Variants in GRIP1 observed in about 807,000 individuals in gnomAD.
The protein encoded by GRIP1 is glutamate receptor-interacting protein 1.
GRIP1 carries 45 observed loss-of-function variants against 129.9 expected under a neutral mutation model. The observed-to-expected ratio is 0.35, with a 90% confidence interval of 0.27 to 0.44. The LOEUF is 0.44. GRIP1 is among the 20% of genes least tolerant of loss of function. The pLI, the probability that GRIP1 is intolerant of heterozygous loss-of-function variation, is 1.00. For synonymous variants in GRIP1, 530 were observed against 520.8 expected (o/e 1.02, Z -0.24); for missense variants, 1,196 against 1,396.8 (o/e 0.86, Z 2.29).
At chr12:66,964,967 G>T (rs1363901478) in intron 1 of GRIP1, among the ~76,000 whole-genome samples, 1 of 151,896 alleles carries the variant, frequency 6.6e-6, no homozygotes, top group East Asian at 1.9e-4. Flanking sequence ...TTCTCATGAG[G>T]ATAACAGACC....
intron 1 of GRIP1, among the ~76,000 whole-genome samples, chr12:66,714,744 T>C (rs1010697123): frequency 2.0e-5 from 3 of 152,014 alleles, no homozygotes; most frequent in Non-Finnish European, 4.4e-5. Context: ...CATTATTCAT[T>C]CTGTACATTT....
At chr12:66,971,706 G>A (rs1371959439) in intron 1 of GRIP1, among the ~76,000 whole-genome samples, 1 of 152,188 alleles carries the variant, frequency 6.6e-6, no homozygotes, top group Non-Finnish European at 1.5e-5. Flanking sequence ...TCATCACAGA[G>A]AGTATAAATG....
At chr12:66,724,605 A>G (rs1321488304) in intron 1 of GRIP1, among the ~76,000 whole-genome samples, 1 of 152,196 alleles carries the variant, frequency 6.6e-6, no homozygotes, top group African/African-American at 2.4e-5. Flanking sequence ...TGCTAACAAT[A>G]GTTCATCTTA....
intron 1 of GRIP1, among the ~76,000 whole-genome samples, chr12:66,889,899 G>C (rs562552255): frequency 6.6e-6 from 1 of 152,048 alleles, no homozygotes; most frequent in East Asian, 1.9e-4. Flanking sequence ...TCATAGAGAG[G>C]TAAACGGAGG....
At chr12:66,868,210 T>C (rs974041769) in intron 1 of GRIP1, among the ~76,000 whole-genome samples, 1 of 152,020 alleles carries the variant, frequency 6.6e-6, no homozygotes, top group Non-Finnish European at 1.5e-5. Context: ...AAGGGGGAAA[T>C]GCATGCTGTT....
rs554312686 is a variant in GRIP1 at position 66,476,082 on chromosome 12, T to G, written c.725-10660A>C. Among the ~76,000 whole-genome samples, 8 of 152,294 alleles carry G rather than the reference T, an allele frequency of 5.3e-5. No individual in the cohort carries two copies. In the East Asian group the frequency reaches 1.5e-3, roughly 29 times the overall value. On this transcript the variant is annotated intron_variant, in intron 7 of 24. Coordinates refer to ENST00000359742, the MANE Select transcript of GRIP1 (RefSeq NM_001366722.1). ...TCAAAAAATCAATGAATCCAGGATC[T>G]GGTTTTTTGAAAAGATCAACAAAAC...
intron 14 of GRIP1, among the ~76,000 whole-genome samples, chr12:66,424,342 C>T (rs2057912132): frequency 1.3e-5 from 2 of 152,274 alleles, no homozygotes; most frequent in South Asian, 4.1e-4. Context: ...TACATGCATA[C>T]AATTTAAAGA....
intron 1 of GRIP1, among the ~76,000 whole-genome samples, chr12:67,067,540 G>A (rs998047294): frequency 6.6e-6 from 1 of 152,082 alleles, no homozygotes; most frequent in Non-Finnish European, 1.5e-5. Context: ...CTAAAGCAGG[G>A]GTGCCTTTTG....
chr12:66,749,885 CAGAG>C (rs2037070897), intron 1 of GRIP1, among the ~76,000 whole-genome samples: 1 of 152,146 alleles, frequency 6.6e-6, no homozygotes, highest in Non-Finnish European at 1.5e-5. Flanking sequence ...CACATGGATA[CAGAG>C]AGAGAAATAA....
At chr12:66,972,930 G>A (rs563258340) in intron 1 of GRIP1, among the ~76,000 whole-genome samples, 2 of 152,146 alleles carry the variant, frequency 1.3e-5, no homozygotes, top group Non-Finnish European at 2.9e-5. Flanking sequence ...CCCCCAAACA[G>A]GGTCCGGGGT....
At chr12:66,502,001 T>C (rs1426412127) in intron 7 of GRIP1, among the ~76,000 whole-genome samples, 6 of 152,152 alleles carry the variant, frequency 3.9e-5, no homozygotes, top group South Asian at 4.1e-4. Context: ...CCTTCTTAGA[T>C]AGTGATTTTA....
chr12:66,451,656 C>T (rs559003725), intron 11 of GRIP1, among the ~76,000 whole-genome samples: 26 of 151,900 alleles, frequency 1.7e-4, no homozygotes, highest in African/African-American at 2.7e-4. Flanking sequence ...GTGATCCACC[C>T]GCCTCAGCCT....
At chr12:66,493,508 G>A (rs1184625885) in intron 7 of GRIP1, among the ~76,000 whole-genome samples, 4 of 152,104 alleles carry the variant, frequency 2.6e-5, no homozygotes, top group Non-Finnish European at 5.9e-5. Flanking sequence ...AAGGGTATTT[G>A]AAAGTGATAA....
chr12:66,755,913 C>T (rs932462242), intron 1 of GRIP1, among the ~76,000 whole-genome samples: 3 of 152,142 alleles, frequency 2.0e-5, no homozygotes, highest in Admixed American at 2.0e-4. Flanking sequence ...CAAGTGGGTG[C>T]AGCTGCATGG....
In GRIP1 at chr12:67,057,023, G is replaced by A. The variant is rs1008163557; in HGVS notation, c.58+12027C>T. On this transcript the variant is annotated intron_variant, in intron 1 of 1. Coordinates refer to the GRIP1 transcript ENST00000643019. ...ACAGGGTTTCACCATTGTTGGTCAG[G>A]CTGGTTTCTTTTGAACTCCTGACCT... Among the ~76,000 whole-genome samples, 3 of 152,050 alleles carry A rather than the reference G, an allele frequency of 2.0e-5. No homozygotes were observed. The South Asian group carries it at 6.2e-4, about 32-fold the overall frequency.
At chr12:66,653,660 C>T (rs944127308) in intron 1 of GRIP1, among the ~76,000 whole-genome samples, 3 of 152,166 alleles carry the variant, frequency 2.0e-5, no homozygotes, top group Non-Finnish European at 4.4e-5. Flanking sequence ...AAGCATTTGG[C>T]AGATGCACTG....
chr12:66,529,830 C>A lies in GRIP1; in HGVS notation c.502+1G>T, dbSNP rs1483510417. On this transcript the variant is annotated splice_donor_variant, in intron 5 of 24. Transcript: ENST00000359742. LOFTEE classifies it high-confidence loss of function. ...AGTAGATTTTTCTAACCAACACCTA[C>A]CTCGAATTACAAAACCAAAGGTATT... is the stretch of plus-strand genomic sequence containing the variant. 6.5e-7 allele frequency: 1 copy of A among 1,543,724 alleles called. No individual in the cohort carries two copies. Among genetic ancestry groups the A allele is most frequent in the Non-Finnish European group, 9.0e-7 (1 of 1,116,020 alleles).
intron 1 of GRIP1, among the ~76,000 whole-genome samples, chr12:66,972,917 T>C (rs747046478): frequency 1.3e-5 from 2 of 152,160 alleles, no homozygotes; most frequent in Non-Finnish European, 2.9e-5. Context: ...AAGGAACTCC[T>C]GGCCCCCAAA....
At chr12:66,837,278 G>C (rs2039631541) in intron 1 of GRIP1, among the ~76,000 whole-genome samples, 1 of 152,224 alleles carries the variant, frequency 6.6e-6, no homozygotes, top group Non-Finnish European at 1.5e-5. Flanking sequence ...GAGTAAAGGA[G>C]AGAGAGATTT....
Sources: gnomAD v4.1 joint callset for allele counts (sites outside exome capture counted in the v4.1 genomes callset) on GRCh38, gnomAD v4.1.1 for gene constraint, MANE v1.5 for transcripts, NCBI Gene and HGNC (gene_info 2026-07-23, HGNC 2026-07-21) for gene names.